The following ADGRL2 variants were observed in gnomAD, a reference collection of about 807,000 sequenced individuals.
ADGRL2 encodes adhesion G protein-coupled receptor L2, also known as calcium-independent alpha-latrotoxin receptor 2.
ADGRL2 carries 44 observed loss-of-function variants against 157.4 expected under a neutral mutation model. That is an observed-to-expected ratio of 0.28 (90% CI 0.22 to 0.36). The LOEUF is 0.36. Among genes scored for constraint, ADGRL2 ranks in the 10% least tolerant of loss-of-function variants. The pLI, the probability that ADGRL2 is intolerant of heterozygous loss-of-function variation, is 1.00. For synonymous variants in ADGRL2, 585 were observed against 624.7 expected (o/e 0.94, Z 0.95); for missense variants, 1,510 against 1,768.9 (o/e 0.85, Z 2.63).
In ADGRL2 at chr1:81,655,251, C is replaced by T. The variant is rs529053608; in HGVS notation, c.-143+74271C>T. Among the ~76,000 whole-genome samples, 164 of 152,248 alleles carry T rather than the reference C, an allele frequency of 1.1e-3. 1 individual carries two copies. The Middle Eastern group carries it at 0.017, about 16-fold the overall frequency. On this transcript the variant is annotated intron_variant, in intron 3 of 24. Coordinates refer to the ADGRL2 transcript ENST00000370721. ...TCCTGACTTCGTGATCCGCCCGCCT[C>T]GGCCTCCCAAAGTGCTGAGATTACA...
chr1:81,418,615 G>T (rs1037968607), intron 1 of ADGRL2, among the ~76,000 whole-genome samples: 1 of 152,004 alleles, frequency 6.6e-6, no homozygotes, highest in Non-Finnish European at 1.5e-5. Context: ...ATACCCAGGC[G>T]TGGTGGCAGG....
At chr1:81,977,174 G>A (rs1660409621) in intron 17 of ADGRL2, among the ~76,000 whole-genome samples, 1 of 151,810 alleles carries the variant, frequency 6.6e-6, no homozygotes, top group Admixed American at 6.6e-5. Flanking sequence ...GGGTATACAA[G>A]TGCTGCCTGC....
chr1:81,441,762 A>C (rs1307978935), intron 1 of ADGRL2, among the ~76,000 whole-genome samples: 1 of 151,642 alleles, frequency 6.6e-6, no homozygotes, highest in Non-Finnish European at 1.5e-5. Flanking sequence ...CTGGTCTCAA[A>C]CTCCTGACCT....
At chr1:81,786,652 T>C (rs2087062104) in intron 2 of ADGRL2, among the ~76,000 whole-genome samples, 1 of 152,210 alleles carries the variant, frequency 6.6e-6, no homozygotes, top group Non-Finnish European at 1.5e-5. Context: ...TTGAAGCAAA[T>C]ATTCTTCTTT....
At position 81,970,541 on chromosome 1, in the gene ADGRL2, A is replaced by G; in HGVS notation, c.2954+7A>G. ...GCTATGGAACAGAAAAAGCGTAAGT[A>G]ATTGCAAGCGACCTGAGTGTTTTTC... is the stretch of plus-strand genomic sequence containing the variant. On this transcript the variant is annotated splice_region_variant and intron_variant, in intron 16 of 23. Coordinates refer to ENST00000686636, the MANE Select transcript of ADGRL2 (RefSeq NM_001366006.2). 2 of 1,602,898 alleles carry G rather than the reference A, an allele frequency of 1.2e-6. No homozygotes were observed. Among genetic ancestry groups the G allele is most frequent in the Admixed American group, 1.7e-5 (1 of 59,034 alleles).
intron 2 of ADGRL2, among the ~76,000 whole-genome samples, chr1:81,512,490 G>T (rs1012104724): frequency 6.6e-6 from 1 of 151,994 alleles, no homozygotes; most frequent in Non-Finnish European, 1.5e-5. Context: ...TTTTAAGATG[G>T]TTCTGATTCT....
chr1:81,855,110 G>T (rs762655118), intron 2 of ADGRL2, among the ~76,000 whole-genome samples: 10 of 152,096 alleles, frequency 6.6e-5, no homozygotes, highest in Non-Finnish European at 1.2e-4. Context: ...AGGATATAAA[G>T]AAATGATACA....
At chr1:81,706,350 C>G (rs2083736782) in intron 1 of ADGRL2, among the ~76,000 whole-genome samples, 1 of 152,092 alleles carries the variant, frequency 6.6e-6, no homozygotes, top group Non-Finnish European at 1.5e-5. Flanking sequence ...TCATACTTGA[C>G]TTTAAGGTTT....
chr1:81,628,892 C>CA (rs1158673671), intron 3 of ADGRL2, among the ~76,000 whole-genome samples: 1 of 152,110 alleles, frequency 6.6e-6, no homozygotes, highest in Non-Finnish European at 1.5e-5. Flanking sequence ...TAAGAAATGA[C>CA]AAGAAATAAT....
At chr1:81,393,915 A>C (rs2076606419) in intron 1 of ADGRL2, among the ~76,000 whole-genome samples, 1 of 151,624 alleles carries the variant, frequency 6.6e-6, no homozygotes, top group Admixed American at 6.6e-5. Context: ...CTCATTATAG[A>C]ATTTACTGAT....
At chr1:81,662,886 C>T (rs528564791) in intron 3 of ADGRL2, among the ~76,000 whole-genome samples, 2 of 152,016 alleles carry the variant, frequency 1.3e-5, no homozygotes, top group East Asian at 3.9e-4. Context: ...TTTTTTTGTG[C>T]CCATTAACCA....
At chr1:81,886,957 A>C (rs147264625) in intron 2 of ADGRL2, among the ~76,000 whole-genome samples, 30 of 152,342 alleles carry the variant, frequency 2.0e-4, no homozygotes, top group Admixed American at 1.3e-3. Flanking sequence ...AATTCCAGTA[A>C]TGTGACACAT....
intron 3 of ADGRL2, among the ~76,000 whole-genome samples, chr1:81,690,032 C>A (rs887239990): frequency 6.6e-6 from 1 of 152,126 alleles, no homozygotes; most frequent in Non-Finnish European, 1.5e-5. Context: ...CCTTTGACCC[C>A]AACTTACTTA....
chr1:81,697,074 T>A (rs2083460686), upstream of ADGRL2, among the ~76,000 whole-genome samples: 1 of 152,218 alleles, frequency 6.6e-6, no homozygotes, highest in African/African-American at 2.4e-5. Flanking sequence ...GAAGATAAGT[T>A]AGAGATACTT....
In ADGRL2 at chr1:81,393,013, A is replaced by T. The variant is rs902199941; in HGVS notation, c.-301-52023A>T. ...TTGTACACACTCTTTTGATTGTTTG[A>T]TAACATCTGCACATGAGAGTGTAAA... On this transcript the variant is annotated intron_variant, in intron 1 of 24. Transcript: ENST00000370721. Among the ~76,000 whole-genome samples, 9 of 152,094 alleles carry T rather than the reference A, an allele frequency of 5.9e-5. No individual in the cohort carries two copies. The East Asian group carries it at 1.7e-3, about 29-fold the overall frequency.
At chr1:81,807,817 A>G (rs1162447079) in intron 1 of ADGRL2, among the ~76,000 whole-genome samples, 5 of 151,748 alleles carry the variant, frequency 3.3e-5, no homozygotes, top group Non-Finnish European at 7.4e-5. Flanking sequence ...TCACGGTGTC[A>G]TGAGAAAAGG....
rs1557743117 is a variant in ADGRL2 at position 81,506,757 on chromosome 1, A to AAAACAAAAC, written c.-248+61669_-248+61670insAACAAAACA. Among the ~76,000 whole-genome samples the AAAACAAAAC allele has an allele frequency of 8.2e-3, 1,085 of 131,690 alleles. 11 individuals are homozygous for AAAACAAAAC. Among genetic ancestry groups the AAAACAAAAC allele is most frequent in the East Asian group, 0.073 (221 of 3,038 alleles). 86.4% of individuals were successfully genotyped at this position (131,690 alleles called of 152,430 possible). On this transcript the variant is annotated intron_variant, in intron 2 of 24. Transcript: ENST00000370721. The stretch of plus-strand genomic sequence containing the variant: ...CAAAACAAAACAAAACAAAACAAAA[A>AAAACAAAAC]ACCAGACAATAAATTGTTGAGTTAC...
chr1:81,915,068 A>G (rs921762444), intron 3 of ADGRL2, among the ~76,000 whole-genome samples: 14 of 152,128 alleles, frequency 9.2e-5, no homozygotes, highest in African/African-American at 3.4e-4. Context: ...AAATAATGTC[A>G]CATCAAAAAT....
intron 2 of ADGRL2, among the ~76,000 whole-genome samples, chr1:81,493,855 A>G (rs912589689): frequency 6.6e-6 from 1 of 152,144 alleles, no homozygotes; most frequent in Non-Finnish European, 1.5e-5. Flanking sequence ...TTATTCAAAA[A>G]TCCTGTTGCT....
Sources: allele counts gnomAD v4.1 joint callset (sites outside exome capture counted in the v4.1 genomes callset), GRCh38; gene constraint gnomAD v4.1.1; transcripts MANE v1.5; gene names NCBI Gene and HGNC (gene_info 2026-07-23, HGNC 2026-07-21).